Variants in EVC2 observed in about 807,000 individuals in gnomAD.
The protein encoded by EVC2 is EvC ciliary complex subunit 2, also known as limbin.
In EVC2, 148 loss-of-function variants were observed where a neutral mutation model predicts 149.3. The observed-to-expected ratio is 0.99, with a 90% confidence interval of 0.87 to 1.14. EVC2 has a LOEUF of 1.14. EVC2 is among the 50% of genes most tolerant of loss of function. The probability of loss-of-function intolerance (pLI) is 0.00; values close to 1 mark genes in which losing one functional copy is unlikely to be tolerated. For missense variants in EVC2, 1,854 were observed against 1,627.3 expected (o/e 1.14, Z -2.40); for synonymous variants, 776 against 649.9 (o/e 1.19, Z -2.95).
In EVC2 at chr4:5,694,515, A is replaced by G. The variant is rs777865289; in HGVS notation, c.284-14T>C. ...GTGGTGCTTCCACTGCAAAACAACA[A>G]CACACCCGTTTTATATAATGCGGAA... On this transcript the variant is annotated splice_polypyrimidine_tract_variant and intron_variant, in intron 2 of 21. Coordinates refer to ENST00000344408, the MANE Select transcript of EVC2 (RefSeq NM_147127.5). 5 of 1,614,066 alleles carry G rather than the reference A, an allele frequency of 3.1e-6. No individual in the cohort carries two copies. The African/African-American group carries it at 5.3e-5, about 17-fold the overall frequency.
At chr4:5,545,427 C>A (rs10012010) in intron 21 of EVC2, among the ~76,000 whole-genome samples, 7 of 152,092 alleles carry the variant, frequency 4.6e-5, no homozygotes, top group Non-Finnish European at 8.8e-5. Context: ...TCATCTGAGC[C>A]CAGTTTCCTC....
chr4:5,552,240 A>G (rs6840643), intron 21 of EVC2, among the ~76,000 whole-genome samples: 72,935 of 152,064 alleles, frequency 0.48, 19,696 homozygotes, highest in East Asian at 0.93. Context: ...ACACATATAC[A>G]TTCTTCCTCT....
intron 8 of EVC2, among the ~76,000 whole-genome samples, chr4:5,665,052 A>G (rs1342857692): frequency 5.9e-5 from 8 of 134,810 alleles, no homozygotes; most frequent in African/African-American, 1.4e-4. Context: ...GCCCGTGGGT[A>G]ATGGGATGCA....
chr4:5,675,439 T>C (rs1189019174), intron 7 of EVC2, among the ~76,000 whole-genome samples: 3 of 152,232 alleles, frequency 2.0e-5, no homozygotes, highest in Non-Finnish European at 2.9e-5. Context: ...GATAGATGTG[T>C]GTGTAGATTT....
At chr4:5,601,050 G>C (rs374273363) in intron 16 of EVC2, among the ~76,000 whole-genome samples, 1 of 152,158 alleles carries the variant, frequency 6.6e-6, no homozygotes, top group Admixed American at 6.5e-5. Context: ...GACTTGGAGC[G>C]GTCTTTTTTG....
At chr4:5,671,538 T>C (rs1719649908) in intron 7 of EVC2, among the ~76,000 whole-genome samples, 1 of 152,146 alleles carries the variant, frequency 6.6e-6, no homozygotes, top group Admixed American at 6.6e-5. Flanking sequence ...TGAGATAGAG[T>C]CTTGCTCTTG....
chr4:5,536,509 G>A, the EVC2 span, among the ~76,000 whole-genome samples: 3 of 152,108 alleles, frequency 2.0e-5, no homozygotes. Context: ...TTATGGCTGG[G>A]CGCGGTGGCT....
At chr4:5,675,950 CA>C (rs1380768013) in intron 7 of EVC2, among the ~76,000 whole-genome samples, 4 of 152,186 alleles carry the variant, frequency 2.6e-5, no homozygotes, top group Non-Finnish European at 5.9e-5. Context: ...ATCTTAAGAA[CA>C]ACAAAAACAA....
chr4:5,562,094 G>T (rs1024984060), downstream of EVC2, among the ~76,000 whole-genome samples: 4 of 152,176 alleles, frequency 2.6e-5, no homozygotes, highest in African/African-American at 9.7e-5. The surrounding 1 kb of genome is among the most constrained non-coding windows in gnomAD (Gnocchi z 4.3). Context: ...CTGTTTATAG[G>T]TAACTGTGTG....
intron 3 of EVC2, 52 bp downstream of exon 3, chr4:5,694,283 G>T: frequency 6.3e-7 from 1 of 1,598,166 alleles, no homozygotes; most frequent in Non-Finnish European, 8.6e-7. Context: ...GCCATAATTG[G>T]TTTATTTCCA....
chr4:5,588,052 G>A (rs948112325), intron 16 of EVC2, among the ~76,000 whole-genome samples: 1 of 152,164 alleles, frequency 6.6e-6, no homozygotes, highest in Non-Finnish European at 1.5e-5. Context: ...CCTTCTGCCT[G>A]ATTTCCTATA....
At position 5,682,435 on chromosome 4, in the gene EVC2, A is replaced by G. The variant is rs185698299; in HGVS notation, c.817-1122T>C. 6.1e-3 allele frequency among the ~76,000 whole-genome samples: 924 copies of G among 151,834 alleles called. 24 individuals are homozygous for G. Among genetic ancestry groups the G allele is most frequent in the East Asian group, 0.052 (269 of 5,150 alleles). On this transcript the variant is annotated intron_variant, in intron 6 of 21. Coordinates refer to ENST00000344408, the MANE Select transcript of EVC2 (RefSeq NM_147127.5). ...AACCCAGGAGGAGGAGGTTGCAGTG[A>G]GCTGAGATCATGCCATTGCACTCCA...
chr4:5,657,730 A>G lies in EVC2; in HGVS notation c.1145+5377T>C, dbSNP rs754100280. The stretch of plus-strand genomic sequence containing the variant: ...GGTGGGTAAGATGAAATACAACAAC[A>G]TTAATTTGAAAAAGAAAAAAAAAAA... On this transcript the variant is annotated intron_variant, in intron 9 of 21. Transcript: ENST00000344408. The surrounding 1 kb of genome is among the most constrained non-coding windows in gnomAD (Gnocchi z 4.7). Among the ~76,000 whole-genome samples, 9 of 115,806 alleles carry G rather than the reference A, an allele frequency of 7.8e-5. No individual in the cohort carries two copies. The highest frequency in any genetic ancestry group is 1.6e-4 in the Non-Finnish European group (9 of 56,350). 76.0% of individuals were successfully genotyped at this position (115,806 alleles called of 152,430 possible).
rs770748012 is a variant in EVC2, at chr4:5,568,658, G to A, written c.3361-18C>T. The A allele has an allele frequency of 6.2e-7, 1 of 1,603,296 alleles. No homozygotes were observed. The highest frequency in any genetic ancestry group is 8.5e-7 in the Non-Finnish European group (1 of 1,179,192). On this transcript the variant is annotated intron_variant, in intron 19 of 21. Transcript: ENST00000344408. ...CTCAGCTCCTACAGGAAACAACAGA[G>A]GGAGTTCAGACCCTCGCCGCCTCTC...
intron 7 of EVC2, among the ~76,000 whole-genome samples, chr4:5,666,452 G>A (rs1327218010): frequency 6.6e-6 from 1 of 152,054 alleles, no homozygotes; most frequent in Non-Finnish European, 1.5e-5. Context: ...TCCAAATCAG[G>A]CTACATTTTT....
intron 9 of EVC2, among the ~76,000 whole-genome samples, chr4:5,642,644 G>A (rs1000484805): frequency 3.3e-5 from 5 of 152,154 alleles, no homozygotes; most frequent in Admixed American, 6.5e-5. Flanking sequence ...AGATGTCAGC[G>A]ACATCCTTAA....
At chr4:5,598,748 A>C (rs1164011209) in intron 16 of EVC2, among the ~76,000 whole-genome samples, 18 of 152,218 alleles carry the variant, frequency 1.2e-4, no homozygotes, top group Admixed American at 1.2e-3. Context: ...GAGCTTCTGC[A>C]CAACAAAAGA....
At chr4:5,598,497 G>A (rs1029188884) in intron 16 of EVC2, among the ~76,000 whole-genome samples, 6 of 152,154 alleles carry the variant, frequency 3.9e-5, no homozygotes, top group African/African-American at 1.4e-4. Flanking sequence ...AAATGGTGCT[G>A]GGAAAACTGG....
intron 7 of EVC2, among the ~76,000 whole-genome samples, chr4:5,669,537 T>G (rs1050130452): frequency 6.6e-6 from 1 of 152,206 alleles, no homozygotes; most frequent in African/African-American, 2.4e-5. Flanking sequence ...TAGAAGTTAG[T>G]TGTATGACTG....
Sources: gnomAD v4.1 joint callset for allele counts (sites outside exome capture counted in the v4.1 genomes callset) on GRCh38, gnomAD v4.1.1 for gene constraint, Gnocchi (gnomAD v3.1) non-coding constraint, MANE v1.5 for transcripts, NCBI Gene and HGNC (gene_info 2026-07-23, HGNC 2026-07-21) for gene names.